CYP27A1: variants seen among roughly 807,000 people sequenced by gnomAD.
CYP27A1 encodes the protein cytochrome P450 family 27 subfamily A member 1, also known as sterol 26-hydroxylase, mitochondrial.
A neutral mutation model predicts 58.2 loss-of-function variants in CYP27A1; 46 were observed. The observed-to-expected ratio is 0.79, with a 90% confidence interval of 0.62 to 1.01. The LOEUF (loss-of-function observed/expected upper bound fraction) is 1.01. CYP27A1 is among the 50% of genes least tolerant of loss of function. The probability of loss-of-function intolerance (pLI) is 0.00; values close to 1 mark genes in which losing one functional copy is unlikely to be tolerated. For missense variants in CYP27A1, 704 were observed against 687.0 expected, an observed-to-expected ratio of 1.02 and a Z score of -0.28; for synonymous variants, 274 against 285.1, an observed-to-expected ratio of 0.96 and a Z score of 0.39.
chr2:218,797,836 A>C (rs1193330984), intron 1 of CYP27A1, among the ~76,000 whole-genome samples: 2 of 152,238 alleles, frequency 1.3e-5, no homozygotes, highest in Non-Finnish European at 2.9e-5. Context: ...CTCAATTTAC[A>C]GAAAAAGCAT....
Position 218,814,116 on chromosome 2 carries a change from C to A in CYP27A1, c.1113C>A (p.Ala371=), listed in dbSNP as rs746269951. 6.2e-7 allele frequency: 1 copy of A among 1,614,236 alleles called. No individual in the cohort carries two copies. Among genetic ancestry groups the A allele is most frequent in the Non-Finnish European group, 8.5e-7 (1 of 1,180,048 alleles). ...LHEEVVGVVP[A]GQVPQHKDFA... ...AGGAAGTGGTGGGTGTGGTGCCAGC[C>A]GGGCAAGTGCCCCAGCACAAGGACT... The change falls in exon 6 of 9, where the codon GCC becomes GCA. Residue 371 remains alanine, a synonymous_variant. Transcript: ENST00000258415.
In CYP27A1 at chr2:218,809,775, G is replaced by A. The variant is rs950113577; in HGVS notation, c.446+8G>A. The stretch of plus-strand genomic sequence containing the variant: ...CTATGGGCCGTTCACCACGTGAGCT[G>A]GGGCCTGAAGGGACTGGAACAGGGC... On this transcript the variant is annotated splice_region_variant and intron_variant, in intron 2 of 8. Transcript: ENST00000258415. 2 of 1,611,376 alleles carry A rather than the reference G, an allele frequency of 1.2e-6. No individual in the cohort carries two copies. Among genetic ancestry groups the A allele is most frequent in the Admixed American group, 1.7e-5 (1 of 59,904 alleles).
intron 1 of CYP27A1, among the ~76,000 whole-genome samples, chr2:218,784,504 A>C (rs1943424633): frequency 6.6e-6 from 1 of 152,238 alleles, no homozygotes; most frequent in Non-Finnish European, 1.5e-5. Context: ...TTTCTCACGC[A>C]AAGATTTCAT....
chr2:218,783,097 A>G (rs1943409817), intron 1 of CYP27A1, among the ~76,000 whole-genome samples: 1 of 151,874 alleles, frequency 6.6e-6, no homozygotes, highest in African/African-American at 2.4e-5. Flanking sequence ...TCTCTACTAA[A>G]AATACAAACA....
chr2:218,813,971 G>T, intron 5 of CYP27A1, 50 bp from the exon 6 acceptor site: 3 of 1,607,278 alleles, frequency 1.9e-6, no homozygotes, highest in Non-Finnish European at 2.6e-6. Context: ...CCCATTACTG[G>T]CCTCTTTCCT....
intron 1 of CYP27A1, among the ~76,000 whole-genome samples, chr2:218,793,762 T>A (rs980797491): frequency 1.3e-5 from 2 of 151,632 alleles, no homozygotes; most frequent in African/African-American, 4.9e-5. Flanking sequence ...TCACCCAGGC[T>A]GGAGTGCAGT....
rs371133296 is a variant in CYP27A1, at chr2:218,812,962, G to C, written c.883G>C (p.Ala295Pro). ...LIDEKLEDME[A>P]QLQAAGPDGI... ...TGATGAGAAGCTCGAAGATATGGAG[G>C]CCCAACTGCAGGCAGCAGGGCCAGA... is the stretch of plus-strand genomic sequence containing the variant. The change falls in exon 5 of 9, where the codon GCC becomes CCC. Residue 295 changes from alanine to proline, a missense_variant. Transcript: ENST00000258415. 3.7e-6 allele frequency: 6 copies of C among 1,614,084 alleles called. No homozygotes were observed. The highest frequency in any genetic ancestry group is 5.1e-6 in the Non-Finnish European group (6 of 1,180,040).
In CYP27A1 at chr2:218,786,342, A is replaced by G. The variant is rs114379944; in HGVS notation, c.255+3905A>G. ...CCCAAACCAGGTGTCTGCCACACAA[A>G]GGGGAGGACGGCAATGGATGTAGGA... is the stretch of plus-strand genomic sequence containing the variant. On this transcript the variant is annotated intron_variant, in intron 1 of 8. Transcript: ENST00000258415. 5.7e-3 allele frequency among the ~76,000 whole-genome samples: 873 copies of G among 152,312 alleles called. 10 individuals carry two copies. The highest frequency in any genetic ancestry group is 0.019 in the African/African-American group (803 of 41,564).
At chr2:218,806,600 G>A (rs966592310) in intron 1 of CYP27A1, among the ~76,000 whole-genome samples, 3 of 152,244 alleles carry the variant, frequency 2.0e-5, no homozygotes, top group Non-Finnish European at 2.9e-5. Context: ...AAGGGCCTAC[G>A]TTTGTTTCCA....
At chr2:218,796,268 G>A (rs1187176648) in intron 1 of CYP27A1, among the ~76,000 whole-genome samples, 6 of 152,160 alleles carry the variant, frequency 3.9e-5, no homozygotes, top group Non-Finnish European at 8.8e-5. Context: ...GATTCTTATT[G>A]CACTGATGCA....
intron 1 of CYP27A1, among the ~76,000 whole-genome samples, chr2:218,788,814 CA>C (rs1181266187): frequency 6.6e-6 from 1 of 152,160 alleles, no homozygotes; most frequent in Non-Finnish European, 1.5e-5. Flanking sequence ...TTCAGTTTGA[CA>C]AAAACCTTTG....
rs1943773832 is a variant in CYP27A1, at chr2:218,814,951, G to A, written c.1517G>A (p.Gly506Glu). 1 of 1,614,250 alleles carries A rather than the reference G, an allele frequency of 6.2e-7. No homozygotes were observed. The highest frequency in any genetic ancestry group is 1.3e-5 in the African/African-American group (1 of 75,080). Residue 506 changes from glycine to glutamate, a missense_variant, in exon 9 of 9, where the codon GGG (glycine) becomes GAG (glutamate). Coordinates refer to ENST00000258415, the MANE Select transcript of CYP27A1 (RefSeq NM_000784.4). ...AAGGTGGTCCTGGCCCCGGAGACGG[G>A]GGAGTTGAAGAGTGTGGCCCGCATT... ...KYKVVLAPET[G>E]ELKSVARIVL...
chr2:218,803,659 T>A (rs1943621781), intron 1 of CYP27A1, among the ~76,000 whole-genome samples: 2 of 151,068 alleles, frequency 1.3e-5, no homozygotes. Context: ...CTTGACATCG[T>A]GATCTGTCCA....
At chr2:218,786,182 A>T (rs1213898865) in intron 1 of CYP27A1, among the ~76,000 whole-genome samples, 1 of 152,176 alleles carries the variant, frequency 6.6e-6, no homozygotes, top group Non-Finnish European at 1.5e-5. Context: ...GTCTTGCAGG[A>T]GTTGGTTGAC....
intron 1 of CYP27A1, among the ~76,000 whole-genome samples, chr2:218,808,685 CTG>C (rs1943675434): frequency 6.6e-6 from 1 of 152,148 alleles, no homozygotes; most frequent in African/African-American, 2.4e-5. Flanking sequence ...CAGGAAACCA[CTG>C]TGTTTCATTT....
chr2:218,813,241 T>C (rs1943744140), intron 5 of CYP27A1, 145 bp downstream of exon 5: 14 of 787,304 alleles, frequency 1.8e-5, no homozygotes, highest in East Asian at 2.7e-5. Flanking sequence ...AGAAGGAAAA[T>C]AGAGGGCTTG....
At chr2:218,807,775 ATT>A (rs759173020) in intron 1 of CYP27A1, among the ~76,000 whole-genome samples, 9 of 142,976 alleles carry the variant, frequency 6.3e-5, no homozygotes, top group Admixed American at 2.1e-4. Flanking sequence ...TGCCCAGCGA[ATT>A]TTTTTTTTTT....
Position 218,782,978 on chromosome 2 carries a change from C to T in CYP27A1, c.255+541C>T, listed in dbSNP as rs1336291243. Among the ~76,000 whole-genome samples the T allele has an allele frequency of 5.3e-5, 8 of 151,906 alleles. No homozygotes were observed. Among genetic ancestry groups the T allele is most frequent in the African/African-American group, 9.7e-5 (4 of 41,340 alleles). ...TGTTATTAAGAAATCAGTCTGAGGC[C>T]GGGTGCAGTGGCTCACACCTGTAAT... On this transcript the variant is annotated intron_variant, in intron 1 of 8. Transcript: ENST00000258415. The surrounding 1 kb of genome is among the most constrained non-coding windows in gnomAD (Gnocchi z 4.1).
chr2:218,804,590 T>C (rs1439103032), intron 1 of CYP27A1, among the ~76,000 whole-genome samples: 4 of 152,200 alleles, frequency 2.6e-5, no homozygotes, highest in African/African-American at 9.7e-5. Flanking sequence ...GGCTATGGAA[T>C]TTTGAAAGGG....
Sources: gnomAD v4.1 joint callset for allele counts (sites outside exome capture counted in the v4.1 genomes callset) on GRCh38, gnomAD v4.1.1 for gene constraint, Gnocchi (gnomAD v3.1) non-coding constraint, MANE v1.5 for transcripts, NCBI Gene and HGNC (gene_info 2026-07-23, HGNC 2026-07-21) for gene names.